BLTP1: variants seen among roughly 807,000 people sequenced by gnomAD.
BLTP1 encodes bridge-like lipid transfer protein family member 1.
the BLTP1 span, among the ~76,000 whole-genome samples, chr4:122,303,827 A>G: frequency 1.2e-4 from 18 of 152,348 alleles, no homozygotes; most frequent in East Asian, 2.3e-3. Context: ...AAGAAATTCT[A>G]TCTTCAGATA....
the BLTP1 span, among the ~76,000 whole-genome samples, chr4:122,279,152 A>G: frequency 2.0e-5 from 3 of 152,230 alleles, no homozygotes; most frequent in Non-Finnish European, 4.4e-5. Context: ...TTTGGCACCC[A>G]TCGAGTGGAA....
At chr4:122,344,910 TA>T in the BLTP1 span, 3 of 985,218 alleles carry the variant, frequency 3.0e-6, no homozygotes, top group African/African-American at 5.2e-5. Context: ...GAGTGATGTT[TA>T]AAAATGTTTA....
chr4:122,298,180 T>TCA, the BLTP1 span: 1 of 777,750 alleles, frequency 1.3e-6, no homozygotes, highest in Non-Finnish European at 1.6e-6. Context: ...TACTATTTAT[T>TCA]ATTTAATTGA....
the BLTP1 span, among the ~76,000 whole-genome samples, chr4:122,213,538 C>T: frequency 1.0e-3 from 155 of 151,190 alleles, no homozygotes; most frequent in Middle Eastern, 3.4e-3. Context: ...TTCATGTAAC[C>T]GAGATTGTCT....
the BLTP1 span, chr4:122,170,484 T>C: frequency 7.7e-7 from 1 of 1,303,106 alleles, no homozygotes; most frequent in Admixed American, 4.0e-5. Context: ...TTTTGCATTC[T>C]CATCATTGAA....
chr4:122,219,118 G>A, the BLTP1 span: 2 of 983,342 alleles, frequency 2.0e-6, no homozygotes, highest in Non-Finnish European at 2.4e-6. Flanking sequence ...TATAAAATAG[G>A]CTCTGTAACT....
the BLTP1 span, among the ~76,000 whole-genome samples, chr4:122,352,355 C>CTTT: frequency 1.8e-3 from 202 of 111,686 alleles, 1 homozygote; most frequent in African/African-American, 3.5e-3. Flanking sequence ...TTTGGTTTTT[C>CTTT]TTTTTTTTTT....
At chr4:122,331,894 T>G in the BLTP1 span, 1 of 507,584 alleles carries the variant, frequency 2.0e-6, no homozygotes, top group East Asian at 1.5e-4. Flanking sequence ...ATCTTGGTTA[T>G]TGAGAGTTTG....
chr4:122,213,731 A>G, the BLTP1 span, among the ~76,000 whole-genome samples: 6 of 152,152 alleles, frequency 3.9e-5, no homozygotes, highest in African/African-American at 1.2e-4. Flanking sequence ...ATTAAAATTT[A>G]TGAGGACATG....
the BLTP1 span, chr4:122,254,211 C>T: frequency 6.2e-7 from 1 of 1,612,942 alleles, no homozygotes; most frequent in Non-Finnish European, 8.5e-7. Flanking sequence ...GGAGTCGAAT[C>T]TGATGATTTG....
At chr4:122,201,136 TAATAGA>T in the BLTP1 span, 1 of 1,597,474 alleles carries the variant, frequency 6.3e-7, no homozygotes, top group Non-Finnish European at 8.5e-7. Context: ...GGTAATTTTC[TAATAGA>T]TATAAATACA....
At chr4:122,239,562 C>T in the BLTP1 span, 1 of 1,611,976 alleles carries the variant, frequency 6.2e-7, no homozygotes, top group Non-Finnish European at 8.5e-7. Context: ...TCCTAATACT[C>T]AGGATAAGTC....
the BLTP1 span, chr4:122,237,077 T>C: frequency 1.3e-5 from 13 of 984,460 alleles, no homozygotes; most frequent in Admixed American, 6.8e-4. Flanking sequence ...CTATTTTACA[T>C]TTGTGGTAGT....
the BLTP1 span, among the ~76,000 whole-genome samples, chr4:122,205,389 T>C: frequency 6.6e-6 from 1 of 151,812 alleles, no homozygotes. Context: ...ACTGATAACA[T>C]TTAAGTCACT....
the BLTP1 span, chr4:122,238,142 A>G: frequency 6.2e-7 from 1 of 1,613,850 alleles, no homozygotes; most frequent in Non-Finnish European, 8.5e-7. Flanking sequence ...ATCAGTGGGA[A>G]TAGAAGTAGA....
the BLTP1 span, chr4:122,208,516 C>T: frequency 3.1e-5 from 29 of 944,524 alleles, no homozygotes; most frequent in South Asian, 9.8e-5. Flanking sequence ...TCAAATGAGA[C>T]AATACTATCT....
chr4:122,352,361 T>G, the BLTP1 span, among the ~76,000 whole-genome samples: 89 of 139,620 alleles, frequency 6.4e-4, no homozygotes, highest in African/African-American at 2.2e-3. Context: ...TTTTCTTTTT[T>G]TTTTTTTTTT....
the BLTP1 span, chr4:122,314,055 T>C: frequency 9.3e-6 from 9 of 966,682 alleles, no homozygotes; most frequent in Non-Finnish European, 1.1e-5. Flanking sequence ...TATTGAAATG[T>C]ATAAAAAGAA....
chr4:122,362,065 G>T, the BLTP1 span: 2 of 1,611,606 alleles, frequency 1.2e-6, no homozygotes, highest in Non-Finnish European at 1.7e-6. Flanking sequence ...GATTGATCCA[G>T]TAGGTGTTGA....
Sources: allele counts gnomAD v4.1 joint callset (sites outside exome capture counted in the v4.1 genomes callset), GRCh38; gene constraint gnomAD v4.1.1; transcripts MANE v1.5; gene names NCBI Gene and HGNC (gene_info 2026-07-23, HGNC 2026-07-21).